SLC14A2: variants seen among roughly 807,000 people sequenced by gnomAD.
SLC14A2 encodes the protein urea transporter 2.
Under a neutral mutation model 104.6 loss-of-function variants are expected in SLC14A2, and 91 were observed. The ratio of observed to expected loss-of-function variants is 0.87; its 90% CI spans 0.73 to 1.04. The LOEUF (loss-of-function observed/expected upper bound fraction) is 1.04, where lower values mean the gene tolerates loss of function less well. SLC14A2 is among the 50% of genes least tolerant of loss of function. SLC14A2 has a pLI of 0.00. For synonymous variants in SLC14A2, 476 were observed against 466.4 expected (o/e 1.02, Z -0.27); for missense variants, 1,189 against 1,156.0 (o/e 1.03, Z -0.41).
At chr18:45,386,397 C>CA (rs1052026590) in intron 1 of SLC14A2, among the ~76,000 whole-genome samples, 33 of 152,296 alleles carry the variant, frequency 2.2e-4, no homozygotes, top group African/African-American at 7.7e-4. Context: ...TTCTAGAACT[C>CA]AAAGACCGCA....
intron 1 of SLC14A2, among the ~76,000 whole-genome samples, chr18:45,331,644 TCG>T (rs2085291975): frequency 1.3e-5 from 2 of 149,500 alleles, no homozygotes; most frequent in Non-Finnish European, 3.0e-5. Flanking sequence ...TGAGCCGAGA[TCG>T]CACCACTGCA....
intron 1 of SLC14A2, among the ~76,000 whole-genome samples, chr18:45,476,867 A>G (rs2087391473): frequency 6.6e-6 from 1 of 152,176 alleles, no homozygotes; most frequent in South Asian, 2.1e-4. Flanking sequence ...TGGTTATTCT[A>G]GTTAGCAATT....
chr18:45,233,051 C>T (rs560677728), intron 1 of SLC14A2, among the ~76,000 whole-genome samples: 2 of 152,178 alleles, frequency 1.3e-5, no homozygotes, highest in African/African-American at 4.8e-5. Context: ...CCCCCTCTTG[C>T]AGTTGTCTTT....
At chr18:45,560,522 A>G (rs925307409) in intron 2 of SLC14A2, among the ~76,000 whole-genome samples, 4 of 152,198 alleles carry the variant, frequency 2.6e-5, no homozygotes, top group Non-Finnish European at 4.4e-5. Flanking sequence ...AGGAATAGGA[A>G]GTTGATTCCA....
chr18:45,200,765 A>G, the SLC14A2 span, among the ~76,000 whole-genome samples: 1 of 152,238 alleles, frequency 6.6e-6, no homozygotes, highest in East Asian at 1.9e-4. Flanking sequence ...TTAAAAAGAA[A>G]CTTTTAAAGA....
chr18:45,334,055 A>C (rs1259256562), intron 1 of SLC14A2, among the ~76,000 whole-genome samples: 1 of 152,186 alleles, frequency 6.6e-6, no homozygotes, highest in African/African-American at 2.4e-5. Context: ...TATTTCTGGC[A>C]TCCTATTTGT....
chr18:45,599,183 G>A (rs549078332), intron 2 of SLC14A2, among the ~76,000 whole-genome samples: 1 of 152,312 alleles, frequency 6.6e-6, no homozygotes, highest in African/African-American at 2.4e-5. Context: ...TTGCACAGCA[G>A]AACTTTCAAA....
At chr18:45,649,533 CATTTT>C (rs2045693850) in intron 10 of SLC14A2, among the ~76,000 whole-genome samples, 1 of 152,272 alleles carries the variant, frequency 6.6e-6, no homozygotes, top group African/African-American at 2.4e-5. Flanking sequence ...GAACATGTTA[CATTTT>C]ATTACACTTT....
At chr18:45,379,602 G>T (rs2085812056) in intron 1 of SLC14A2, among the ~76,000 whole-genome samples, 1 of 152,192 alleles carries the variant, frequency 6.6e-6, no homozygotes, top group Non-Finnish European at 1.5e-5. Context: ...AAAATGCTCA[G>T]TCTGGATAGT....
At chr18:45,287,686 C>G (rs1159307497) in intron 1 of SLC14A2, among the ~76,000 whole-genome samples, 4 of 152,358 alleles carry the variant, frequency 2.6e-5, no homozygotes, top group Non-Finnish European at 5.9e-5. Flanking sequence ...ACCTTGCTGG[C>G]TGTTGTGAAC....
intron 10 of SLC14A2, among the ~76,000 whole-genome samples, chr18:45,656,832 C>A (rs532904768): frequency 2.6e-5 from 4 of 152,218 alleles, no homozygotes; most frequent in African/African-American, 4.8e-5. Context: ...CTTTGGCCAA[C>A]AAGTGAGCTG....
At chr18:45,399,970 A>G (rs1203116102) in intron 1 of SLC14A2, among the ~76,000 whole-genome samples, 13 of 152,120 alleles carry the variant, frequency 8.5e-5, no homozygotes, top group Non-Finnish European at 1.5e-5. Flanking sequence ...ATCACCACTC[A>G]TGGCCATATC....
At chr18:45,414,796 A>ATAT (rs1394511561) in intron 1 of SLC14A2, among the ~76,000 whole-genome samples, 1 of 130,034 alleles carries the variant, frequency 7.7e-6, no homozygotes, top group African/African-American at 2.8e-5. Context: ...ATATATATAT[A>ATAT]GAAAAGTACA....
At chr18:45,259,146 A>T (rs1223465359) in intron 1 of SLC14A2, among the ~76,000 whole-genome samples, 1 of 152,210 alleles carries the variant, frequency 6.6e-6, no homozygotes, top group Admixed American at 6.5e-5. Flanking sequence ...GGAGGTTTGG[A>T]AAACTTCAGT....
At chr18:45,604,615 T>A (rs2044840393) in intron 2 of SLC14A2, among the ~76,000 whole-genome samples, 1 of 152,232 alleles carries the variant, frequency 6.6e-6, no homozygotes, top group Non-Finnish European at 1.5e-5. Context: ...TGTGCCTACT[T>A]CAGTGGTCTC....
intron 2 of SLC14A2, chr18:45,515,558 A>G (rs966744468): frequency 1.3e-5 from 2 of 152,228 alleles, no homozygotes; most frequent in Non-Finnish European, 2.9e-5. Context: ...GGCTGCTGTG[A>G]GCATAGAAAG....
At chr18:45,208,705 T>C (rs2083935701), upstream of SLC14A2, among the ~76,000 whole-genome samples, 1 of 151,894 alleles carries the variant, frequency 6.6e-6, no homozygotes, top group East Asian at 1.9e-4. Flanking sequence ...GGTTTTATAC[T>C]GAGAAGAGTG....
intron 6 of SLC14A2, among the ~76,000 whole-genome samples, chr18:45,638,581 G>A (rs1426894247): frequency 6.6e-6 from 1 of 152,130 alleles, no homozygotes; most frequent in Non-Finnish European, 1.5e-5. Flanking sequence ...AAATCAGAAT[G>A]TCTAGGGAAG....
intron 2 of SLC14A2, among the ~76,000 whole-genome samples, chr18:45,559,592 A>G (rs987862758): frequency 6.6e-6 from 1 of 152,186 alleles, no homozygotes; most frequent in African/African-American, 2.4e-5. Flanking sequence ...TCTCAGGTGG[A>G]CAAAGCCCTG....
Sources: gnomAD v4.1 joint callset for allele counts (sites outside exome capture counted in the v4.1 genomes callset) on GRCh38, gnomAD v4.1.1 for gene constraint, MANE v1.5 for transcripts, NCBI Gene and HGNC (gene_info 2026-07-23, HGNC 2026-07-21) for gene names.